The following INVS variants were observed in gnomAD, a reference collection of about 807,000 sequenced individuals.
INVS encodes the protein inversion of embryo turning homolog.
A neutral mutation model predicts 108.8 loss-of-function variants in INVS; 86 were observed. That is an observed-to-expected ratio of 0.79 (90% CI 0.66 to 0.95). The LOEUF (loss-of-function observed/expected upper bound fraction) is 0.95. Ranked by LOEUF, INVS falls within the 40% of genes least tolerant of loss-of-function variation. The pLI, the probability that INVS is intolerant of heterozygous loss-of-function variation, is 0.00. For missense variants in INVS, 1,169 were observed against 1,297.4 expected (o/e 0.90, Z 1.52); for synonymous variants, 455 against 473.5 (o/e 0.96, Z 0.51).
At chr9:100,207,718 C>T (rs149915563) in intron 3 of INVS, among the ~76,000 whole-genome samples, 32 of 152,274 alleles carry the variant, frequency 2.1e-4, no homozygotes, top group African/African-American at 7.7e-4. Flanking sequence ...AGAGTTTTCA[C>T]AGAAATGCTA....
At chr9:100,116,136 C>T (rs1271787081) in intron 2 of INVS, among the ~76,000 whole-genome samples, 2 of 143,556 alleles carry the variant, frequency 1.4e-5, no homozygotes, top group East Asian at 4.1e-4. Context: ...CAGGGTCATA[C>T]TCTGTCACCT....
At chr9:100,194,751 G>C (rs1465189140) in intron 3 of INVS, among the ~76,000 whole-genome samples, 2 of 152,170 alleles carry the variant, frequency 1.3e-5, no homozygotes, top group South Asian at 4.1e-4. Flanking sequence ...AATAACAAAT[G>C]TAGGGGGAAG....
intron 3 of INVS, among the ~76,000 whole-genome samples, chr9:100,136,780 G>A (rs1054150947): frequency 3.9e-5 from 6 of 152,168 alleles, no homozygotes; most frequent in South Asian, 4.1e-4. Context: ...TAGCTCACGC[G>A]TGTAATCCCA....
At chr9:100,143,059 C>G (rs565906053) in intron 3 of INVS, among the ~76,000 whole-genome samples, 2 of 152,118 alleles carry the variant, frequency 1.3e-5, no homozygotes, top group Admixed American at 6.5e-5. Context: ...GTCTGTGAAG[C>G]CTTGCAGCAG....
intron 2 of INVS, among the ~76,000 whole-genome samples, chr9:100,118,724 G>A (rs1440367155): frequency 6.6e-6 from 1 of 150,846 alleles, no homozygotes; most frequent in East Asian, 2.0e-4. Context: ...GCAGTGGCAT[G>A]ATCTCGGCTC....
intron 13 of INVS, among the ~76,000 whole-genome samples, chr9:100,290,086 GT>G (rs35079684): frequency 1.3e-5 from 2 of 148,882 alleles, no homozygotes; most frequent in Admixed American, 1.3e-4. Flanking sequence ...TGTAGTTTTA[GT>G]TTTTTTTTTG....
At chr9:100,242,179 GCAACGGAAC>G (rs917177059) in intron 6 of INVS, among the ~76,000 whole-genome samples, 1 of 152,202 alleles carries the variant, frequency 6.6e-6, no homozygotes, top group African/African-American at 2.4e-5. Flanking sequence ...GTTTGGTTGG[GCAACGGAAC>G]CTTGAGAGTA....
chr9:100,259,792 C>T (rs981413070), intron 10 of INVS, among the ~76,000 whole-genome samples: 65 of 151,992 alleles, frequency 4.3e-4, no homozygotes, highest in Non-Finnish European at 7.7e-4. Flanking sequence ...TCAGGTGATC[C>T]GCCCGCCTCG....
At chr9:100,211,272 C>T (rs888266217) in intron 3 of INVS, among the ~76,000 whole-genome samples, 1 of 152,180 alleles carries the variant, frequency 6.6e-6, no homozygotes, top group African/African-American at 2.4e-5. Context: ...GAGTACCTCA[C>T]AAGCACAACA....
intron 3 of INVS, among the ~76,000 whole-genome samples, chr9:100,225,723 A>G (rs1170049735): frequency 6.6e-6 from 1 of 150,930 alleles, no homozygotes; most frequent in East Asian, 1.9e-4. Flanking sequence ...AAAATGTGAA[A>G]AAAGATGTAC....
At chr9:100,256,764 C>T (rs1252858177) in intron 10 of INVS, among the ~76,000 whole-genome samples, 1 of 152,186 alleles carries the variant, frequency 6.6e-6, no homozygotes, top group Non-Finnish European at 1.5e-5. Flanking sequence ...AATTTGATTG[C>T]ACTGTGGTCT....
chr9:100,260,166 G>A (rs1832571456), intron 10 of INVS, among the ~76,000 whole-genome samples: 1 of 144,620 alleles, frequency 6.9e-6, no homozygotes. Flanking sequence ...CACCATGTCC[G>A]ACCTATTACA....
At chr9:100,169,712 G>A (rs1001380134) in intron 3 of INVS, among the ~76,000 whole-genome samples, 1 of 152,140 alleles carries the variant, frequency 6.6e-6, no homozygotes, top group Non-Finnish European at 1.5e-5. Context: ...TGAAAGCCCT[G>A]AATAAAGGTG....
intron 10 of INVS, among the ~76,000 whole-genome samples, chr9:100,255,487 G>T (rs567862483): frequency 6.6e-6 from 1 of 152,146 alleles, no homozygotes; most frequent in Non-Finnish European, 1.5e-5. Context: ...TCCCTGTCTT[G>T]TGCCAGTTTT....
chr9:100,115,992 C>T (rs1361697337), intron 2 of INVS, among the ~76,000 whole-genome samples: 1 of 152,196 alleles, frequency 6.6e-6, no homozygotes, highest in Non-Finnish European at 1.5e-5. Context: ...GCCATTCTAA[C>T]TGGTGTGAGA....
intron 12 of INVS, among the ~76,000 whole-genome samples, chr9:100,278,942 C>T (rs537488982): frequency 6.6e-5 from 10 of 152,294 alleles, no homozygotes; most frequent in African/African-American, 2.2e-4. Context: ...AGGGGCTCAC[C>T]GCTGTCCATA....
intron 10 of INVS, among the ~76,000 whole-genome samples, chr9:100,258,527 C>T (rs1043492367): frequency 2.6e-5 from 4 of 152,160 alleles, no homozygotes; most frequent in African/African-American, 9.7e-5. Flanking sequence ...TCTGGTTTCT[C>T]CCCATCTTTG....
intron 3 of INVS, among the ~76,000 whole-genome samples, chr9:100,185,516 AATATATATATATAT>A (rs35603398): frequency 0.075 from 8,313 of 110,760 alleles, 452 homozygotes; most frequent in African/African-American, 0.11. Context: ...TATGCATAGA[AATATATATATATAT>A]ATATATATAT....
At chr9:100,160,283 C>T (rs542630853) in intron 3 of INVS, among the ~76,000 whole-genome samples, 2 of 152,322 alleles carry the variant, frequency 1.3e-5, no homozygotes, top group African/African-American at 4.8e-5. Flanking sequence ...TGCTAGATAA[C>T]TACAGAGGTT....
Sources: gnomAD v4.1 joint callset for allele counts (sites outside exome capture counted in the v4.1 genomes callset) on GRCh38, gnomAD v4.1.1 for gene constraint, MANE v1.5 for transcripts, NCBI Gene and HGNC (gene_info 2026-07-23, HGNC 2026-07-21) for gene names.